ADGRB3: variants seen among roughly 807,000 people sequenced by gnomAD.
ADGRB3 encodes adhesion G protein-coupled receptor B3.
Under a neutral mutation model 193.4 loss-of-function variants are expected in ADGRB3, and 37 were observed. The ratio of observed to expected loss-of-function variants is 0.19; its 90% CI spans 0.15 to 0.25. The LOEUF is 0.25. Among genes scored for constraint, ADGRB3 ranks in the 10% least tolerant of loss-of-function variants. The pLI is 1.00. For synonymous variants in ADGRB3, 690 were observed against 644.2 expected (o/e 1.07, Z -1.08); for missense variants, 1,637 against 1,852.9 (o/e 0.88, Z 2.14).
intron 17 of ADGRB3, among the ~76,000 whole-genome samples, chr6:69,162,794 AT>A (rs1446138309): frequency 6.6e-6 from 1 of 152,112 alleles, no homozygotes; most frequent in African/African-American, 2.4e-5. Context: ...TGGAATCATT[AT>A]TTTTTGCATG....
intron 26 of ADGRB3, among the ~76,000 whole-genome samples, chr6:69,347,295 A>AAACC (rs1396543378): frequency 3.3e-5 from 5 of 152,134 alleles, no homozygotes; most frequent in Non-Finnish European, 7.4e-5. Context: ...ACCATGGCAC[A>AAACC]TGTATACCTA....
chr6:69,060,499 C>T (rs939985007), intron 15 of ADGRB3, among the ~76,000 whole-genome samples: 1 of 152,042 alleles, frequency 6.6e-6, no homozygotes, highest in Non-Finnish European at 1.5e-5. Flanking sequence ...TTATAGGATA[C>T]CCACATCTGT....
chr6:69,080,786 A>G (rs957100183), intron 17 of ADGRB3, among the ~76,000 whole-genome samples: 3 of 152,070 alleles, frequency 2.0e-5, no homozygotes, highest in Non-Finnish European at 4.4e-5. Flanking sequence ...AACTTCAAGA[A>G]GTTATGTTAC....
intron 10 of ADGRB3, among the ~76,000 whole-genome samples, chr6:68,979,409 A>G (rs1469058845): frequency 6.6e-6 from 1 of 151,492 alleles, no homozygotes; most frequent in Non-Finnish European, 1.5e-5. Flanking sequence ...CGGCCATTGT[A>G]TAACAATTTC....
intron 3 of ADGRB3, among the ~76,000 whole-genome samples, chr6:68,902,227 C>CTA (rs1358201893): frequency 2.6e-5 from 4 of 152,046 alleles, no homozygotes; most frequent in Non-Finnish European, 5.9e-5. Flanking sequence ...ACATATTGAA[C>CTA]TATTTTATTC....
intron 20 of ADGRB3, among the ~76,000 whole-genome samples, chr6:69,289,743 C>T (rs781762859): frequency 1.5e-4 from 23 of 151,958 alleles, no homozygotes; most frequent in Non-Finnish European, 3.1e-4. Flanking sequence ...AGACAGGTGC[C>T]TAAATAGGCT....
intron 3 of ADGRB3, among the ~76,000 whole-genome samples, chr6:68,856,762 G>A (rs898122483): frequency 2.0e-5 from 3 of 152,196 alleles, no homozygotes; most frequent in African/African-American, 7.2e-5. Flanking sequence ...CATAAGTAAT[G>A]AGGAGCTGAA....
At chr6:69,019,467 G>C (rs776439154) in intron 13 of ADGRB3, among the ~76,000 whole-genome samples, 2 of 151,900 alleles carry the variant, frequency 1.3e-5, no homozygotes, top group Non-Finnish European at 2.9e-5. Flanking sequence ...AAGGCTGTTG[G>C]TGGTTCATTT....
intron 26 of ADGRB3, among the ~76,000 whole-genome samples, chr6:69,348,551 T>C (rs1582648522): frequency 6.7e-6 from 1 of 149,282 alleles, no homozygotes; most frequent in African/African-American, 2.5e-5. Flanking sequence ...TAGTCCCAGC[T>C]ACTCATGAGG....
At chr6:68,727,925 G>A (rs1310401121) in intron 3 of ADGRB3, among the ~76,000 whole-genome samples, 2 of 151,536 alleles carry the variant, frequency 1.3e-5, no homozygotes, top group Non-Finnish European at 3.0e-5. Flanking sequence ...CTTCACCAGA[G>A]ATGACTGTTG....
At chr6:68,724,224 A>G (rs1765634313) in intron 3 of ADGRB3, among the ~76,000 whole-genome samples, 1 of 151,662 alleles carries the variant, frequency 6.6e-6, no homozygotes, top group Non-Finnish European at 1.5e-5. Flanking sequence ...AGGGTCATGT[A>G]GAGGTCACGT....
chr6:69,294,174 G>T (rs1767758689), intron 20 of ADGRB3, among the ~76,000 whole-genome samples: 1 of 143,222 alleles, frequency 7.0e-6, no homozygotes, highest in Non-Finnish European at 1.6e-5. Context: ...GATATAGCTT[G>T]TTTAATTTTT....
At chr6:68,849,760 T>A (rs1430980439) in intron 3 of ADGRB3, among the ~76,000 whole-genome samples, 1 of 151,924 alleles carries the variant, frequency 6.6e-6, no homozygotes, top group Non-Finnish European at 1.5e-5. Context: ...CTTAGATAGA[T>A]GTTTGGATGG....
chr6:69,141,224 C>G (rs569978018), intron 17 of ADGRB3, among the ~76,000 whole-genome samples: 2 of 151,790 alleles, frequency 1.3e-5, no homozygotes, highest in Non-Finnish European at 2.9e-5. Context: ...CCTGGGTTCT[C>G]GGCATTCTCC....
At chr6:68,706,978 G>T (rs1329131963) in intron 3 of ADGRB3, among the ~76,000 whole-genome samples, 5 of 151,994 alleles carry the variant, frequency 3.3e-5, no homozygotes, top group Admixed American at 3.3e-4. Flanking sequence ...GGGCATGGTG[G>T]CGGGTACCTG....
intron 3 of ADGRB3, among the ~76,000 whole-genome samples, chr6:68,884,964 T>G (rs1356247465): frequency 6.6e-6 from 1 of 152,084 alleles, no homozygotes; most frequent in African/African-American, 2.4e-5. Context: ...TCTTAGGAAG[T>G]TGGTAATATA....
chr6:68,982,907 A>G (rs1768964563), intron 10 of ADGRB3, among the ~76,000 whole-genome samples: 1 of 152,124 alleles, frequency 6.6e-6, no homozygotes, highest in Admixed American at 6.6e-5. Context: ...CGCAGGAGAA[A>G]AAGAAATGAA....
intron 17 of ADGRB3, among the ~76,000 whole-genome samples, chr6:69,146,696 C>CTAGA (rs1554157190): frequency 6.6e-6 from 1 of 152,136 alleles, no homozygotes; most frequent in Non-Finnish European, 1.5e-5. Context: ...AGTGGCCACT[C>CTAGA]TAGATAGGCT....
chr6:69,365,847 G>A (rs965372836), intron 29 of ADGRB3, among the ~76,000 whole-genome samples: 2 of 152,064 alleles, frequency 1.3e-5, no homozygotes, highest in Non-Finnish European at 2.9e-5. Context: ...CATTACAGGT[G>A]CCTCCCTTAC....
Sources: allele counts gnomAD v4.1 joint callset (sites outside exome capture counted in the v4.1 genomes callset), GRCh38; gene constraint gnomAD v4.1.1; transcripts MANE v1.5; gene names NCBI Gene and HGNC (gene_info 2026-07-23, HGNC 2026-07-21).